Variants in ABCC2 observed in about 807,000 individuals in gnomAD.
ABCC2 encodes the protein ATP-binding cassette sub-family C member 2.
A neutral mutation model predicts 173.4 loss-of-function variants in ABCC2; 157 were observed. The ratio of observed to expected loss-of-function variants is 0.91; its 90% confidence interval spans 0.80 to 1.03. The LOEUF (loss-of-function observed/expected upper bound fraction) is 1.03, where lower values mean the gene tolerates loss of function less well. Ranked by LOEUF, ABCC2 falls within the 50% of genes least tolerant of loss-of-function variation. ABCC2 has a pLI of 0.00. For missense variants in ABCC2, 1,822 were observed against 1,852.3 expected (o/e 0.98, Z 0.30); for synonymous variants, 657 against 693.5 (o/e 0.95, Z 0.83).
intron 5 of ABCC2, 81 bp downstream of exon 5, chr10:99,794,080 C>A: frequency 7.4e-7 from 1 of 1,347,724 alleles, no homozygotes. Context: ...ATGTCTGGGT[C>A]TCACGGAGGC....
At chr10:99,843,065 A>AG (rs1482032131) in intron 26 of ABCC2, among the ~76,000 whole-genome samples, 1 of 152,074 alleles carries the variant, frequency 6.6e-6, no homozygotes, top group East Asian at 1.9e-4. Context: ...AAAAAAAAAA[A>AG]AAGAAGTTAA....
intron 16 of ABCC2, among the ~76,000 whole-genome samples, chr10:99,816,641 C>T (rs2038420274): frequency 6.6e-6 from 1 of 152,178 alleles, no homozygotes; most frequent in Non-Finnish European, 1.5e-5. Flanking sequence ...GGGTCCCCAA[C>T]CCCGTGGGCC....
intron 16 of ABCC2, among the ~76,000 whole-genome samples, chr10:99,815,096 C>T (rs971081713): frequency 1.3e-5 from 2 of 151,884 alleles, no homozygotes; most frequent in African/African-American, 2.4e-5. Context: ...TCCCTCCCCT[C>T]GCCCCTCACT....
At chr10:99,805,514 C>A (rs966738954) in intron 11 of ABCC2, 67 bp downstream of exon 11, 10 of 1,498,058 alleles carry the variant, frequency 6.7e-6, no homozygotes, top group Admixed American at 3.3e-5. Flanking sequence ...TTGGCCTTTG[C>A]AAACCCTGGT....
intron 26 of ABCC2, among the ~76,000 whole-genome samples, 156 bp downstream of exon 26, chr10:99,842,249 G>A (rs1439514462): frequency 6.6e-6 from 1 of 152,172 alleles, no homozygotes; most frequent in East Asian, 1.9e-4. Context: ...TTTACCCATG[G>A]ACGTATTCCT....
Position 99,797,196 on chromosome 10 carries a change from G to A in ABCC2, c.732G>A (p.Thr244=), listed in dbSNP as rs754060673. 3.0e-5 allele frequency: 49 copies of A among 1,614,024 alleles called. No individual in the cohort carries two copies. The East Asian group carries it at 5.8e-4, about 19-fold the overall frequency. The part of the protein sequence containing the change: ...KTKTLVSKFE[T]HMKRELQKAR... ...AGACATTAGTGAGCAAGTTTGAAAC[G>A]CACATGAAGAGAGAGCTGCAGAAAG... The change falls in exon 7 of 32, where the codon ACG becomes ACA. Residue 244 remains threonine (T), a synonymous_variant. Coordinates refer to ENST00000647814, the MANE Select transcript of ABCC2 (RefSeq NM_000392.5).
chr10:99,821,130 G>A (rs552762979), intron 19 of ABCC2, among the ~76,000 whole-genome samples: 2 of 152,326 alleles, frequency 1.3e-5, no homozygotes, highest in South Asian at 4.2e-4. Context: ...ACAAGGTAAA[G>A]GATTAAGTGC....
At chr10:99,817,209 T>C (rs543475149) in intron 16 of ABCC2, 99 bp from the exon 17 acceptor site, 2 of 1,076,648 alleles carry the variant, frequency 1.9e-6, no homozygotes, top group Admixed American at 3.7e-5. Context: ...TATTTAAATT[T>C]AAGCTCCATT....
intron 11 of ABCC2, among the ~76,000 whole-genome samples, chr10:99,806,245 G>A (rs183398098): frequency 6.6e-6 from 1 of 152,268 alleles, no homozygotes; most frequent in East Asian, 1.9e-4. Context: ...TTCAAGTGGT[G>A]CTGTGTGCTT....
chr10:99,849,763 C>A (rs1305887291), intron 30 of ABCC2, among the ~76,000 whole-genome samples: 1 of 152,184 alleles, frequency 6.6e-6, no homozygotes, highest in African/African-American at 2.4e-5. Context: ...TTCTCATCTC[C>A]TGCAGAAATT....
Position 99,814,604 on chromosome 10 carries a change from T to TATACACAC in ABCC2, c.2094+1462_2094+1463insACACACAT, listed in dbSNP as rs1564685528. Among the ~76,000 whole-genome samples the TATACACAC allele has an allele frequency of 5.4e-3, 558 of 102,898 alleles. 74 individuals are homozygous for TATACACAC. Among genetic ancestry groups the TATACACAC allele is most frequent in the Admixed American group, 6.7e-3 (72 of 10,750 alleles). The allele number at this position is 102,898 out of a possible 152,430, so 67.5% of individuals were successfully genotyped here. ...GTGTATATACACATATACACACACATATGTGTATATACACATATACACACA... is the reference window on the plus strand; with the variant it reads ...GTGTATATACACATATACACACACATATACACACATGTGTATATACACATATACACACA... On this transcript the variant is annotated intron_variant, in intron 16 of 31. Coordinates refer to ENST00000647814, the MANE Select transcript of ABCC2 (RefSeq NM_000392.5).
At chr10:99,822,757 A>G (rs973595391) in intron 19 of ABCC2, among the ~76,000 whole-genome samples, 8 of 152,202 alleles carry the variant, frequency 5.3e-5, no homozygotes, top group Non-Finnish European at 8.8e-5. Flanking sequence ...TACACTCCTT[A>G]CTGTCTCCTG....
rs2038480826 is a variant in ABCC2, at chr10:99,819,150, T to C, written c.2501T>C (p.Leu834Pro). Residue 834 changes from leucine to proline, a missense_variant, in exon 19 of 32, where the codon CTG becomes CCG. Coordinates refer to ENST00000647814, the MANE Select transcript of ABCC2 (RefSeq NM_000392.5). Reference protein sequence around the residue: ...FLPQVDEIVVLGNGTIVEKGS... With the variant: ...FLPQVDEIVVPGNGTIVEKGS... ...CCTCAAGTGGATGAGATTGTAGTTCTGGGGAATGGAACAATTGTAGAGAAA... is the reference window on the plus strand; with the variant it reads ...CCTCAAGTGGATGAGATTGTAGTTCCGGGGAATGGAACAATTGTAGAGAAA... The C allele has an allele frequency of 6.2e-7, 1 of 1,614,198 alleles. No homozygotes were observed. The highest frequency in any genetic ancestry group is 1.1e-5 in the South Asian group (1 of 91,082).
At chr10:99,805,941 C>G (rs1013944123) in intron 11 of ABCC2, among the ~76,000 whole-genome samples, 1 of 152,220 alleles carries the variant, frequency 6.6e-6, no homozygotes, top group Non-Finnish European at 1.5e-5. Context: ...TTGATACCAT[C>G]AAAGTTCTCC....
intron 24 of ABCC2, 31 bp from the exon 25 acceptor site, chr10:99,836,060 G>T: frequency 1.2e-6 from 2 of 1,610,032 alleles, no homozygotes; most frequent in South Asian, 2.2e-5. Context: ...ATGACTGCGG[G>T]ACTGGCTGAT....
chr10:99,835,012 G>T (rs1455225544), intron 24 of ABCC2, among the ~76,000 whole-genome samples: 2 of 152,190 alleles, frequency 1.3e-5, no homozygotes, highest in Non-Finnish European at 2.9e-5. Flanking sequence ...AGTTTCACTG[G>T]GGTGTCTGTG....
At chr10:99,793,203 C>G (rs2037837896) in intron 3 of ABCC2, among the ~76,000 whole-genome samples, 1 of 152,192 alleles carries the variant, frequency 6.6e-6, no homozygotes, top group African/African-American at 2.4e-5. Flanking sequence ...TTAGAACCTG[C>G]CTTCCGACCT....
intron 10 of ABCC2, among the ~76,000 whole-genome samples, chr10:99,805,083 T>G (rs1280297962): frequency 6.6e-6 from 1 of 152,114 alleles, no homozygotes; most frequent in Admixed American, 6.5e-5. Flanking sequence ...CAAGCCTGAC[T>G]GTAAAGGAGA....
intron 16 of ABCC2, among the ~76,000 whole-genome samples, chr10:99,814,193 ATG>A (rs145912931): frequency 0.098 from 3,636 of 37,068 alleles, 383 homozygotes; most frequent in Non-Finnish European, 0.11. Context: ...GTATACACAC[ATG>A]TGTATATATA....
Sources: allele counts gnomAD v4.1 joint callset (sites outside exome capture counted in the v4.1 genomes callset), GRCh38; gene constraint gnomAD v4.1.1; transcripts MANE v1.5; gene names NCBI Gene and HGNC (gene_info 2026-07-23, HGNC 2026-07-21).